Variants in AQR observed in about 807,000 individuals in gnomAD.
AQR encodes the protein aquarius intron-binding spliceosomal factor, also known as RNA helicase aquarius.
A neutral mutation model predicts 180.5 loss-of-function variants in AQR; 61 were observed. The observed-to-expected ratio is 0.34, with a 90% confidence interval of 0.28 to 0.42. The LOEUF is 0.42. Ranked by LOEUF, AQR falls within the 10% of genes least tolerant of loss-of-function variation. The pLI is 1.00. For missense variants in AQR, 1,281 were observed against 1,798.3 expected (o/e 0.71, Z 5.20); for synonymous variants, 551 against 588.8 (o/e 0.94, Z 0.93).
intron 32 of AQR, 25 bp downstream of exon 32, chr15:34,867,499 A>G (rs1320275782): frequency 1.9e-6 from 3 of 1,581,086 alleles, no homozygotes; most frequent in Non-Finnish European, 2.6e-6. Context: ...TTCAATAAAT[A>G]TTATGAAAGT....
In AQR at chr15:34,852,169, G is replaced by GC. The variant is rs1319507971; in HGVS notation, c.*4622_*4623insG. On this transcript the variant is annotated 3_prime_UTR_variant, in exon 35 of 35. Coordinates refer to ENST00000156471, the MANE Select transcript of AQR (RefSeq NM_014691.3). ...GGTTCCCAAGGAAATAGCTACCTAA[G>GC]TTATGTTTTTTTTTTTTTTTTGAAG... is the stretch of plus-strand genomic sequence containing the variant. 1 of 148,138 alleles carries GC rather than the reference G, an allele frequency of 6.8e-6. No individual in the cohort carries two copies. Among genetic ancestry groups the GC allele is most frequent in the Non-Finnish European group, 1.5e-5 (1 of 67,638 alleles). 9.2% of individuals were successfully genotyped at this position (148,138 alleles called of 1,614,324 possible). A position where few individuals can be genotyped will look rare whatever the true frequency, so the allele number is the denominator to read the frequency against.
chr15:34,937,158 C>A lies in AQR; in HGVS notation c.718+1579G>T, dbSNP rs555969158. On this transcript the variant is annotated intron_variant, in intron 9 of 34. Coordinates refer to ENST00000156471, the MANE Select transcript of AQR (RefSeq NM_014691.3). The stretch of plus-strand genomic sequence containing the variant: ...GTTCACACCATTCTCCTGCCTCAGC[C>A]TCCTGAGTAGCTGGGACTACAGGTG... 1.5e-4 allele frequency among the ~76,000 whole-genome samples: 23 copies of A among 152,322 alleles called. 1 individual carries two copies. The East Asian group carries it at 4.4e-3, about 29-fold the overall frequency.
At chr15:34,858,109 A>T (rs1169443357) in intron 34 of AQR, among the ~76,000 whole-genome samples, 1 of 151,888 alleles carries the variant, frequency 6.6e-6, no homozygotes, top group Admixed American at 6.6e-5. Flanking sequence ...TCAGCCTCCC[A>T]AGTAGCTGGG....
Position 34,852,176 on chromosome 15 carries a change from T to TTTG in AQR, c.*4615_*4616insCAA, listed in dbSNP as rs1296423764. The TTTG allele has an allele frequency of 7.0e-6, 1 of 142,212 alleles. No homozygotes were observed. Among genetic ancestry groups the TTTG allele is most frequent in the African/African-American group, 2.6e-5 (1 of 38,258 alleles). 8.8% of individuals were successfully genotyped at this position (142,212 alleles called of 1,614,324 possible). A position where few individuals can be genotyped will look rare whatever the true frequency, so the allele number is the denominator to read the frequency against. On this transcript the variant is annotated 3_prime_UTR_variant, in exon 35 of 35. Transcript: ENST00000156471. Reference sequence around the variant, plus strand: ...AAGGAAATAGCTACCTAAGTTATGTTTTTTTTTTTTTTTTGAAGGAGTTTT... The same window carrying TTTG: ...AAGGAAATAGCTACCTAAGTTATGTTTTGTTTTTTTTTTTTTTGAAGGAGTTTT...
At position 34,960,728 on chromosome 15, in the gene AQR, T is replaced by C. The variant is rs146172786; in HGVS notation, c.173+46A>G. 9 of 795,596 alleles carry C rather than the reference T, an allele frequency of 1.1e-5. No individual in the cohort carries two copies. In the Admixed American group the frequency reaches 1.6e-4, roughly 14 times the overall value. 49.3% of individuals were successfully genotyped at this position (795,596 alleles called of 1,614,324 possible). ...TTTAGAAGTTCAGCCAAGATCCAAC[T>C]TGGTCCACCCCAATCACATTGTATA... is the stretch of plus-strand genomic sequence containing the variant. On this transcript the variant is annotated intron_variant, in intron 3 of 34. Coordinates refer to ENST00000156471, the MANE Select transcript of AQR (RefSeq NM_014691.3).
At chr15:34,965,263 G>A (rs1335018149) in intron 1 of AQR, among the ~76,000 whole-genome samples, 1 of 151,936 alleles carries the variant, frequency 6.6e-6, no homozygotes, top group Non-Finnish European at 1.5e-5. Flanking sequence ...TGTTTTCTTT[G>A]CTTTTATAGC....
intron 27 of AQR, among the ~76,000 whole-genome samples, chr15:34,881,509 A>G (rs573278491): frequency 6.6e-6 from 1 of 152,364 alleles, no homozygotes; most frequent in South Asian, 2.1e-4. Context: ...ATTAAAATCT[A>G]AGTTCAGATC....
intron 26 of AQR, among the ~76,000 whole-genome samples, chr15:34,883,396 A>G (rs562637273): frequency 6.6e-6 from 1 of 152,346 alleles, no homozygotes; most frequent in East Asian, 1.9e-4. Context: ...TTACACATAT[A>G]GGTGAGGTAC....
chr15:34,904,095 C>A (rs1893375068), intron 19 of AQR, among the ~76,000 whole-genome samples: 1 of 151,988 alleles, frequency 6.6e-6, no homozygotes, highest in Non-Finnish European at 1.5e-5. Context: ...CACTTGGATT[C>A]ATCTATATTT....
chr15:34,929,129 A>G (rs1052351274), intron 12 of AQR, among the ~76,000 whole-genome samples: 1 of 152,032 alleles, frequency 6.6e-6, no homozygotes, highest in Non-Finnish European at 1.5e-5. Context: ...ATTTTCTCCC[A>G]TTCTGTAGGT....
intron 11 of AQR, among the ~76,000 whole-genome samples, chr15:34,931,481 C>T (rs1320391014): frequency 6.6e-6 from 1 of 152,126 alleles, no homozygotes; most frequent in Non-Finnish European, 1.5e-5. Context: ...TAACTATGAT[C>T]TCATTGAAAG....
At chr15:34,952,472 C>A (rs887443302) in intron 4 of AQR, among the ~76,000 whole-genome samples, 6 of 152,186 alleles carry the variant, frequency 3.9e-5, no homozygotes, top group African/African-American at 1.4e-4. Context: ...CCTTTGCAAT[C>A]TAAAAATCAT....
chr15:34,936,888 T>A (rs1893953280), intron 9 of AQR, among the ~76,000 whole-genome samples: 2 of 152,126 alleles, frequency 1.3e-5, no homozygotes, highest in Non-Finnish European at 2.9e-5. Context: ...AGACATTAGT[T>A]CTATAGACGT....
intron 30 of AQR, among the ~76,000 whole-genome samples, chr15:34,873,341 C>CA (rs2140462592): frequency 6.6e-6 from 1 of 152,084 alleles, no homozygotes; most frequent in African/African-American, 2.4e-5. Flanking sequence ...AAACCTATCC[C>CA]AACACTGAGC....
chr15:34,909,442 C>A (rs1468406834), intron 17 of AQR, among the ~76,000 whole-genome samples: 1 of 152,188 alleles, frequency 6.6e-6, no homozygotes, highest in African/African-American at 2.4e-5. Flanking sequence ...GAACTCTAAT[C>A]CTTAAAATCT....
At chr15:34,941,972 T>G in intron 7 of AQR, 40 bp downstream of exon 7, 1 of 1,518,186 alleles carries the variant, frequency 6.6e-7, no homozygotes, top group African/African-American at 1.4e-5. Context: ...GTTCTACTTA[T>G]AACACATACA....
chr15:34,861,203 T>G (rs1388584152), intron 33 of AQR, among the ~76,000 whole-genome samples: 1 of 152,192 alleles, frequency 6.6e-6, no homozygotes, highest in South Asian at 2.1e-4. Context: ...TTAAACAACA[T>G]TTCTCAGAAG....
At position 34,855,694 on chromosome 15, in the gene AQR, A is replaced by G. The variant is rs1283143728; in HGVS notation, c.*1098T>C. On this transcript the variant is annotated 3_prime_UTR_variant, in exon 35 of 35. Transcript: ENST00000156471. ...CTTAGTACAGTGCTTCTCAAACTAC[A>G]AAGTGCCTGTGAATCACCTGGGGAC... 1 of 152,178 alleles carries G rather than the reference A, an allele frequency of 6.6e-6. No individual in the cohort carries two copies. Among genetic ancestry groups the G allele is most frequent in the African/African-American group, 2.4e-5 (1 of 41,444 alleles). 9.4% of individuals were successfully genotyped at this position (152,178 alleles called of 1,614,324 possible). A position where few individuals can be genotyped will look rare whatever the true frequency, so the allele number is the denominator to read the frequency against.
rs769540136 is a variant in AQR at position 34,890,241 on chromosome 15, C to T, written c.2655G>A (p.Glu885=). 1 of 1,613,500 alleles carries T rather than the reference C, an allele frequency of 6.2e-7. No homozygotes were observed. ...TGCTGAAATCTTTCTCTGTCTCCAG[C>T]TCTTCTTCTCCATGACCAAGACGCA... ...HLLRLGHGEE[E]LETEKDFSRY... Residue 885 remains glutamate (E), a synonymous_variant, in exon 24 of 35, where the codon GAG becomes GAA. Transcript: ENST00000156471.
Sources: gnomAD v4.1 joint callset for allele counts (sites outside exome capture counted in the v4.1 genomes callset) on GRCh38, gnomAD v4.1.1 for gene constraint, MANE v1.5 for transcripts, NCBI Gene and HGNC (gene_info 2026-07-23, HGNC 2026-07-21) for gene names.